EYA1: variants seen among roughly 807,000 people sequenced by gnomAD.
The protein encoded by EYA1 is EYA transcriptional coactivator and phosphatase 1.
EYA1 carries 16 observed loss-of-function variants against 82.0 expected under a neutral mutation model. The ratio of observed to expected loss-of-function variants is 0.20; its 90% CI spans 0.13 to 0.30. EYA1 has a LOEUF of 0.30. EYA1 is among the 10% of genes least tolerant of loss of function. The probability of loss-of-function intolerance (pLI) is 1.00; values close to 1 mark genes in which losing one functional copy is unlikely to be tolerated. For missense variants in EYA1, 633 were observed against 730.7 expected, an observed-to-expected ratio of 0.87 and a Z score of 1.54; for synonymous variants, 261 against 264.4, an observed-to-expected ratio of 0.99 and a Z score of 0.12.
chr8:71,219,644 G>T (rs1024611936), intron 12 of EYA1, among the ~76,000 whole-genome samples: 6 of 152,142 alleles, frequency 3.9e-5, no homozygotes, highest in Non-Finnish European at 8.8e-5. Context: ...ATCTTAAGGA[G>T]AAACTATAAT....
chr8:71,206,300 T>C (rs1249433725), intron 17 of EYA1, among the ~76,000 whole-genome samples: 1 of 152,090 alleles, frequency 6.6e-6, no homozygotes, highest in Non-Finnish European at 1.5e-5. Context: ...CAGCTCACTG[T>C]AGCTTTGACC....
At chr8:71,490,476 A>T (rs993008146) in intron 2 of EYA1, among the ~76,000 whole-genome samples, 1 of 152,234 alleles carries the variant, frequency 6.6e-6, no homozygotes, top group Non-Finnish European at 1.5e-5. Flanking sequence ...TGTTTTTAAT[A>T]AAATAAGTAG....
chr8:71,369,222 A>C (rs1050667056), intron 2 of EYA1, among the ~76,000 whole-genome samples: 1 of 151,726 alleles, frequency 6.6e-6, no homozygotes, highest in African/African-American at 2.4e-5. Flanking sequence ...AAAAAAAAAA[A>C]ACTTCTTAAA....
intron 11 of EYA1, among the ~76,000 whole-genome samples, chr8:71,252,308 A>C (rs1813844680): frequency 6.6e-6 from 1 of 151,912 alleles, no homozygotes; most frequent in African/African-American, 2.4e-5. Context: ...GTAAATTCAA[A>C]TTTCTGAAGT....
chr8:71,429,430 T>C (rs1313441587), intron 2 of EYA1, among the ~76,000 whole-genome samples: 2 of 152,178 alleles, frequency 1.3e-5, no homozygotes, highest in African/African-American at 4.8e-5. Flanking sequence ...CCTTGTATTT[T>C]AGATAATTTA....
chr8:71,334,413 G>T, intron 3 of EYA1: 1 of 543,754 alleles, frequency 1.8e-6, no homozygotes, highest in Non-Finnish European at 3.3e-6. Flanking sequence ...CACTGTAAAA[G>T]TAATTAAATT....
chr8:71,409,975 A>G (rs1379170932), intron 2 of EYA1, among the ~76,000 whole-genome samples: 12 of 149,684 alleles, frequency 8.0e-5, no homozygotes, highest in Non-Finnish European at 1.3e-4. Context: ...AAAATCCTCA[A>G]TAAAATACTG....
chr8:71,532,055 C>G (rs4236987), intron 2 of EYA1, among the ~76,000 whole-genome samples: 149,269 of 152,310 alleles, frequency 0.98, 73,169 homozygotes, highest in Middle Eastern at 1. Context: ...CATTTCCAAA[C>G]CTCTGCTAGG....
At chr8:71,324,301 A>C (rs1018390172) in intron 4 of EYA1, among the ~76,000 whole-genome samples, 1 of 152,242 alleles carries the variant, frequency 6.6e-6, no homozygotes, top group Admixed American at 6.5e-5. Flanking sequence ...GTATATACAT[A>C]TGATGAAAGA....
In EYA1 at chr8:71,311,534, A is replaced by G. The variant is rs551879537; in HGVS notation, c.556+6018T>C. ...CCACCCATTCAGCTAACTCATCTGCATCAGCTTTGTCAATGGTGTGTGAAG... is the reference window on the plus strand; with the variant it reads ...CCACCCATTCAGCTAACTCATCTGCGTCAGCTTTGTCAATGGTGTGTGAAG... On this transcript the variant is annotated intron_variant, in intron 7 of 17. Coordinates refer to ENST00000340726, the MANE Select transcript of EYA1 (RefSeq NM_000503.6). Among the ~76,000 whole-genome samples the G allele has an allele frequency of 4.6e-5, 7 of 152,364 alleles. No homozygotes were observed. The South Asian group carries it at 6.2e-4, about 14-fold the overall frequency.
chr8:71,521,079 A>G (rs1425552238), intron 2 of EYA1, among the ~76,000 whole-genome samples: 1 of 152,046 alleles, frequency 6.6e-6, no homozygotes. Flanking sequence ...AAAAAAAAAA[A>G]TCTTTATTTT....
intron 3 of EYA1, among the ~76,000 whole-genome samples, chr8:71,354,483 TAAG>T (rs1458493459): frequency 1.3e-5 from 2 of 152,064 alleles, no homozygotes; most frequent in South Asian, 2.1e-4. Flanking sequence ...ACATGATCAA[TAAG>T]AAGATAAAAC....
At chr8:71,507,111 G>A (rs1812249537) in intron 2 of EYA1, among the ~76,000 whole-genome samples, 1 of 152,044 alleles carries the variant, frequency 6.6e-6, no homozygotes, top group South Asian at 2.1e-4. Flanking sequence ...TATGTGCCAG[G>A]CACTAGTCTA....
intron 2 of EYA1, among the ~76,000 whole-genome samples, chr8:71,476,481 A>G (rs1003632414): frequency 3.1e-4 from 47 of 152,282 alleles, no homozygotes; most frequent in African/African-American, 1.0e-3. Context: ...AAAATTACTG[A>G]TAAGGAACAA....
chr8:71,457,560 A>G (rs568562645), intron 2 of EYA1, among the ~76,000 whole-genome samples: 1 of 152,350 alleles, frequency 6.6e-6, no homozygotes, highest in South Asian at 2.1e-4. Context: ...GCATATATAC[A>G]CCATGGAATA....
intron 2 of EYA1, among the ~76,000 whole-genome samples, chr8:71,396,739 A>T (rs567992204): frequency 6.6e-6 from 1 of 152,000 alleles, no homozygotes; most frequent in Non-Finnish European, 1.5e-5. Flanking sequence ...AATAAGTGTG[A>T]TGTGGTGCTA....
chr8:71,321,851 G>C lies in EYA1; in HGVS notation c.301C>G (p.Pro101Ala), dbSNP rs138603867. Residue 101 changes from proline (P) to alanine (A), a missense_variant, in exon 6 of 18, where the codon CCT becomes GCT. Pro to Ala is a conservative substitution (Grantham distance 27, BLOSUM62 -1). Coordinates refer to ENST00000340726, the MANE Select transcript of EYA1 (RefSeq NM_000503.6). ...NRPYPHILPT[P>A]SSQTMAAYGQ... ...TATGCAGCCATAGTTTGTGAGGAAG[G>C]GGTAGGGAGAATATGTGGGTATGGT... is the stretch of plus-strand genomic sequence containing the variant. 2 of 1,614,134 alleles carry C rather than the reference G, an allele frequency of 1.2e-6. No individual in the cohort carries two copies. Among genetic ancestry groups the C allele is most frequent in the African/African-American group, 1.3e-5 (1 of 74,950 alleles).
intron 11 of EYA1, among the ~76,000 whole-genome samples, chr8:71,257,378 A>AT (rs1296057186): frequency 4.1e-4 from 63 of 152,364 alleles, no homozygotes; most frequent in African/African-American, 1.4e-3. Context: ...AGTTAAAAAA[A>AT]ATATAAAAAT....
intron 2 of EYA1, among the ~76,000 whole-genome samples, chr8:71,491,246 A>AT (rs1810977035): frequency 6.6e-6 from 1 of 152,034 alleles, no homozygotes; most frequent in Non-Finnish European, 1.5e-5. Context: ...TTCTCTTTTT[A>AT]TTTTTTTAAA....
Sources: gnomAD v4.1 joint callset for allele counts (sites outside exome capture counted in the v4.1 genomes callset) on GRCh38, gnomAD v4.1.1 for gene constraint, MANE v1.5 for transcripts, NCBI Gene and HGNC (gene_info 2026-07-23, HGNC 2026-07-21) for gene names.